The following DPY19L3 variants were observed in gnomAD, a reference collection of about 807,000 sequenced individuals.
The protein encoded by DPY19L3 is dpy-19 like C-mannosyltransferase 3.
DPY19L3 carries 51 observed loss-of-function variants against 92.3 expected under a neutral mutation model. The ratio of observed to expected loss-of-function variants is 0.55; its 90% CI spans 0.44 to 0.70. The LOEUF is 0.70. Among genes scored for constraint, DPY19L3 ranks in the 30% least tolerant of loss-of-function variants. The pLI is 0.00. For synonymous variants in DPY19L3, 309 were observed against 315.2 expected, an observed-to-expected ratio of 0.98 and a Z score of 0.21; for missense variants, 706 against 855.9, an observed-to-expected ratio of 0.82 and a Z score of 2.18.
chr19:32,449,451 C>A (rs1969626786), intron 8 of DPY19L3, among the ~76,000 whole-genome samples: 1 of 152,038 alleles, frequency 6.6e-6, no homozygotes, highest in South Asian at 2.1e-4. Flanking sequence ...ACTCAGGGGA[C>A]TCAGAATAGC....
intron 3 of DPY19L3, among the ~76,000 whole-genome samples, chr19:32,414,199 T>A (rs1007808843): frequency 1.3e-5 from 2 of 151,900 alleles, no homozygotes; most frequent in African/African-American, 4.8e-5. Context: ...GGCGGGCGGA[T>A]CACGAGGTTA....
intron 4 of DPY19L3, 117 bp from the exon 5 acceptor site, chr19:32,436,329 A>T (rs1222741563): frequency 3.0e-6 from 2 of 668,950 alleles, no homozygotes; most frequent in African/African-American, 3.7e-5. Flanking sequence ...GCTTACTCTT[A>T]TATCCCCAAT....
In DPY19L3 at chr19:32,439,199, A is replaced by G. The variant is rs764004594; in HGVS notation, c.684A>G (p.Thr228=). The G allele has an allele frequency of 2.5e-6, 4 of 1,613,610 alleles. No homozygotes were observed. Among genetic ancestry groups the G allele is most frequent in the Admixed American group, 3.3e-5 (2 of 59,976 alleles). Residue 228 remains threonine (T), a synonymous_variant, in exon 7 of 19, where the codon ACA becomes ACG. Coordinates refer to ENST00000392250, the MANE Select transcript of DPY19L3 (RefSeq NM_001172774.2). ...PFFAIQIAAI[T]YFLRPNLQPL... ...TTGCAATTCAGATAGCAGCAATTAC[A>G]TATTTCCTGAGACCAAACTTACAGC... is the stretch of plus-strand genomic sequence containing the variant.
At chr19:32,472,191 T>A (rs1460089487) in intron 16 of DPY19L3, among the ~76,000 whole-genome samples, 1 of 152,254 alleles carries the variant, frequency 6.6e-6, no homozygotes, top group East Asian at 1.9e-4. Context: ...TGTTTTATGC[T>A]TTCCTATCTT....
chr19:32,408,225 TG>T lies in DPY19L3; in HGVS notation c.-27del, dbSNP rs1968048756. 6.5e-7 allele frequency: 1 copy of T among 1,538,400 alleles called. No individual in the cohort carries two copies. The highest frequency in any genetic ancestry group is 1.4e-5 in the African/African-American group (1 of 72,994). ...TGTTTATTGCTATCTAGGAGTGATT[TG>T]GAGAACAATGCATGTAAGTCTGACA... is the stretch of plus-strand genomic sequence containing the variant. On this transcript the variant is annotated 5_prime_UTR_variant, in exon 2 of 19. Transcript: ENST00000392250.
At chr19:32,439,581 T>C (rs865966818) in intron 7 of DPY19L3, among the ~76,000 whole-genome samples, 195 bp from the exon 8 acceptor site, 4 of 152,198 alleles carry the variant, frequency 2.6e-5, no homozygotes, top group South Asian at 2.1e-4. Flanking sequence ...ACACACACCG[T>C]ATGTGAATAT....
Position 32,483,747 on chromosome 19 carries a change from T to C in DPY19L3, c.*1507T>C, listed in dbSNP as rs182683143. The C allele has an allele frequency of 1.4e-4, 21 of 152,400 alleles. No individual in the cohort carries two copies. Among genetic ancestry groups the C allele is most frequent in the African/African-American group, 4.8e-4 (20 of 41,584 alleles). The allele number at this position is 152,400 out of a possible 1,614,324, so 9.4% of individuals were successfully genotyped here. A position where few individuals can be genotyped will look rare whatever the true frequency, so the allele number is the denominator to read the frequency against. On this transcript the variant is annotated 3_prime_UTR_variant, in exon 19 of 19. Coordinates refer to ENST00000392250, the MANE Select transcript of DPY19L3 (RefSeq NM_001172774.2). ...TATTAAATTATGCAACTGAAACTCC[T>C]GAATTATATCTTTTCTGTATCCCTT...
chr19:32,462,145 C>A (rs943821104), intron 12 of DPY19L3, among the ~76,000 whole-genome samples: 4 of 152,018 alleles, frequency 2.6e-5, no homozygotes, highest in Non-Finnish European at 4.4e-5. Context: ...ACTTTGGGGC[C>A]TTAGTTATGT....
Position 32,440,937 on chromosome 19 carries a change from G to A in DPY19L3, c.855+1027G>A, listed in dbSNP as rs117594851. Reference sequence around the variant, plus strand: ...GAATTTGGGTGGGATGTCAGGGGTGGGGGCAGAATAGGAAGGTGGAATGCA... The same window carrying A: ...GAATTTGGGTGGGATGTCAGGGGTGAGGGCAGAATAGGAAGGTGGAATGCA... On this transcript the variant is annotated intron_variant, in intron 8 of 18. Coordinates refer to ENST00000392250, the MANE Select transcript of DPY19L3 (RefSeq NM_001172774.2). 1.8e-4 allele frequency among the ~76,000 whole-genome samples: 28 copies of A among 152,026 alleles called. No individual in the cohort carries two copies. In the East Asian group the frequency reaches 5.4e-3, roughly 29 times the overall value.
Position 32,468,078 on chromosome 19 carries a change from T to C in DPY19L3, c.1615-653T>C, listed in dbSNP as rs775781014. 329 of 985,172 alleles carry C rather than the reference T, an allele frequency of 3.3e-4. 3 individuals carry two copies. The highest frequency in any genetic ancestry group is 5.5e-4 in the Admixed American group (9 of 16,270). The allele number at this position is 985,172 out of a possible 1,614,324, so 61.0% of individuals were successfully genotyped here. A position where few individuals can be genotyped will look rare whatever the true frequency, so the allele number is the denominator to read the frequency against. On this transcript the variant is annotated intron_variant, in intron 15 of 18. Coordinates refer to ENST00000392250, the MANE Select transcript of DPY19L3 (RefSeq NM_001172774.2). ...AGTACAAAAATACAATCATGCTATT[T>C]TGAAATGAAAAGGGGGCTGGATTTG...
At chr19:32,432,625 C>A in intron 3 of DPY19L3, 91 bp from the exon 4 acceptor site, 1 of 1,064,314 alleles carries the variant, frequency 9.4e-7, no homozygotes, top group Non-Finnish European at 1.4e-6. Context: ...TTTTCTCTTT[C>A]AAGTTGCAGT....
At chr19:32,430,480 A>G (rs570834136) in intron 3 of DPY19L3, among the ~76,000 whole-genome samples, 28 of 152,324 alleles carry the variant, frequency 1.8e-4, no homozygotes, top group Middle Eastern at 3.4e-3. Context: ...AGTTCAATAT[A>G]TAAGATTTGC....
At chr19:32,471,352 C>G (rs971130367) in intron 16 of DPY19L3, among the ~76,000 whole-genome samples, 9 of 152,234 alleles carry the variant, frequency 5.9e-5, no homozygotes, top group African/African-American at 2.2e-4. Context: ...TCAAAGCAGA[C>G]ACACTCAAAT....
In DPY19L3 at chr19:32,409,752, G is replaced by A. The variant is rs73565357; in HGVS notation, c.103+1396G>A. The stretch of plus-strand genomic sequence containing the variant: ...AATTTCCAGGGAACACAGGATGTCA[G>A]GCTCTTTTTTAACCAACCAGCTCCC... On this transcript the variant is annotated intron_variant, in intron 2 of 18. Coordinates refer to ENST00000392250, the MANE Select transcript of DPY19L3 (RefSeq NM_001172774.2). 3.1e-3 allele frequency among the ~76,000 whole-genome samples: 475 copies of A among 152,264 alleles called. 1 individual carries two copies. The highest frequency in any genetic ancestry group is 0.011 in the African/African-American group (451 of 41,554).
chr19:32,475,712 C>T (rs1970486108), intron 16 of DPY19L3, among the ~76,000 whole-genome samples: 1 of 152,204 alleles, frequency 6.6e-6, no homozygotes, highest in African/African-American at 2.4e-5. Context: ...GAATTCTGTG[C>T]ACCTTCACGT....
chr19:32,448,153 G>A (rs529076187), intron 8 of DPY19L3, among the ~76,000 whole-genome samples: 2 of 152,084 alleles, frequency 1.3e-5, no homozygotes, highest in African/African-American at 2.4e-5. Flanking sequence ...TACTATTTAC[G>A]TGGTAGCCAA....
At chr19:32,406,096 C>A (rs1967932886) in intron 1 of DPY19L3, 187 bp downstream of exon 1, 1 of 151,840 alleles carries the variant, frequency 6.6e-6, no homozygotes, top group Non-Finnish European at 1.5e-5. Context: ...TCTGCCGGGA[C>A]GCGGGCCGGG....
chr19:32,426,312 C>A (rs1157901126), intron 3 of DPY19L3, among the ~76,000 whole-genome samples: 1 of 152,198 alleles, frequency 6.6e-6, no homozygotes, highest in Admixed American at 6.5e-5. Flanking sequence ...ATTAGACTTT[C>A]CCCGTATCAG....
intron 18 of DPY19L3, chr19:32,481,140 T>C (rs1480882972): frequency 5.0e-6 from 1 of 198,114 alleles, no homozygotes; most frequent in Non-Finnish European, 1.0e-5. Flanking sequence ...CTATGCCAGG[T>C]CTCAGTAGAG....
Sources: gnomAD v4.1 joint callset for allele counts (sites outside exome capture counted in the v4.1 genomes callset) on GRCh38, gnomAD v4.1.1 for gene constraint, MANE v1.5 for transcripts, NCBI Gene and HGNC (gene_info 2026-07-23, HGNC 2026-07-21) for gene names.